The following DEPDC5 variants were observed in gnomAD, a reference collection of about 807,000 sequenced individuals.
DEPDC5 encodes the protein DEP domain containing 5, GATOR1 subcomplex subunit.
A neutral mutation model predicts 217.3 loss-of-function variants in DEPDC5; 73 were observed. The ratio of observed to expected loss-of-function variants is 0.34; its 90% confidence interval spans 0.28 to 0.41. DEPDC5 has a LOEUF of 0.41. DEPDC5 is among the 10% of genes least tolerant of loss of function. DEPDC5 has a pLI of 1.00. For synonymous variants in DEPDC5, 733 were observed against 756.7 expected (o/e 0.97, Z 0.51); for missense variants, 1,675 against 2,070.1 (o/e 0.81, Z 3.70).
At chr22:31,891,802 C>G (rs3788436) in intron 38 of DEPDC5, among the ~76,000 whole-genome samples, 22,420 of 152,216 alleles carry the variant, frequency 0.15, 1,882 homozygotes, top group African/African-American at 0.22. Flanking sequence ...AACAGAAACC[C>G]TAGGTCTGGC....
intron 34 of DEPDC5, among the ~76,000 whole-genome samples, chr22:31,872,473 G>A (rs1335362309): frequency 1.3e-5 from 2 of 152,148 alleles, no homozygotes; most frequent in African/African-American, 4.8e-5. Flanking sequence ...TTCACATGGG[G>A]GCGCTGAGGC....
intron 10 of DEPDC5, among the ~76,000 whole-genome samples, chr22:31,787,841 AAAG>A (rs963592602): frequency 2.6e-5 from 4 of 151,752 alleles, no homozygotes; most frequent in Admixed American, 6.6e-5. Context: ...GAAGAAGAAA[AAAG>A]AAGACAACCC....
At chr22:31,881,658 C>T (rs1462083053) in intron 38 of DEPDC5, among the ~76,000 whole-genome samples, 1 of 151,812 alleles carries the variant, frequency 6.6e-6, no homozygotes. Flanking sequence ...TTAGAAATAG[C>T]AAATAAGGCC....
At chr22:31,817,835 A>T (rs139324636) in intron 21 of DEPDC5, among the ~76,000 whole-genome samples, 1 of 152,010 alleles carries the variant, frequency 6.6e-6, no homozygotes. Flanking sequence ...TATTTCCTTA[A>T]TAACTAACTA....
chr22:31,791,186 G>A (rs1410260793), intron 10 of DEPDC5, among the ~76,000 whole-genome samples: 1 of 151,966 alleles, frequency 6.6e-6, no homozygotes, highest in Non-Finnish European at 1.5e-5. Context: ...CCACATTCCT[G>A]GCACTTTAGA....
Position 31,823,021 on chromosome 22 carries a change from T to C in DEPDC5, c.2104+231T>C, listed in dbSNP as rs151119674. The C allele has an allele frequency of 3.5e-3, 1,643 of 472,618 alleles. 8 individuals carry two copies. The highest frequency in any genetic ancestry group is 4.9e-3 in the Non-Finnish European group (1,243 of 255,638). 29.3% of individuals were successfully genotyped at this position (472,618 alleles called of 1,614,324 possible). On this transcript the variant is annotated intron_variant, in intron 24 of 42. Coordinates refer to ENST00000651528, the MANE Select transcript of DEPDC5 (RefSeq NM_001242896.3). ...TCAAGCCACATTTATCATCATTCTG[T>C]CACAGAGTTGTGATTGAGGGCAGCT...
chr22:31,883,539 ATG>A (rs2149318678), intron 38 of DEPDC5, among the ~76,000 whole-genome samples: 1 of 152,264 alleles, frequency 6.6e-6, no homozygotes, highest in Non-Finnish European at 1.5e-5. Flanking sequence ...TAGAAAATTG[ATG>A]TGTCAGGTCC....
intron 25 of DEPDC5, 77 bp from the exon 26 acceptor site, chr22:31,836,895 C>A: frequency 1.5e-6 from 2 of 1,293,716 alleles, no homozygotes; most frequent in Non-Finnish European, 2.2e-6. Flanking sequence ...TCTTCCCTCC[C>A]CTTCCCTCCC....
intron 17 of DEPDC5, 56 bp downstream of exon 17, chr22:31,804,971 C>T (rs2087339817): frequency 6.6e-7 from 1 of 1,510,620 alleles, no homozygotes; most frequent in South Asian, 1.2e-5. Flanking sequence ...GCTTCCTTGC[C>T]ATTTTTCTTT....
In DEPDC5 at chr22:31,846,917, G is replaced by A; in HGVS notation, c.3105G>A (p.Lys1035=). The change falls in exon 31 of 43, where the codon AAG becomes AAA. Residue 1035 remains lysine, a synonymous_variant. Coordinates refer to ENST00000651528, the MANE Select transcript of DEPDC5 (RefSeq NM_001242896.3). ...SLESTAPPVG[K]KGTSALSALL... ...AGTCAACTGCACCCCCAGTGGGGAA[G>A]AAGGGAACCTCAGCTCTCTCTGCCC... 6.2e-7 allele frequency: 1 copy of A among 1,614,248 alleles called. No individual in the cohort carries two copies. The highest frequency in any genetic ancestry group is 1.6e-4 in the Middle Eastern group (1 of 6,062).
At chr22:31,769,110 A>C in intron 7 of DEPDC5, 1 of 255,562 alleles carries the variant, frequency 3.9e-6, no homozygotes, top group Non-Finnish European at 7.5e-6. Flanking sequence ...AATACAAAAA[A>C]TTAGCTGGGC....
chr22:31,886,414 T>A (rs774423698), intron 38 of DEPDC5, among the ~76,000 whole-genome samples: 18 of 152,132 alleles, frequency 1.2e-4, no homozygotes, highest in Middle Eastern at 3.2e-3. Flanking sequence ...CAGCTCAAGA[T>A]GAAATTCAGA....
chr22:31,890,529 G>C (rs2093418236), intron 38 of DEPDC5: 2 of 151,696 alleles, frequency 1.3e-5, no homozygotes, highest in Non-Finnish European at 2.9e-5. Flanking sequence ...GGCCAACATA[G>C]GGAAACCCCA....
chr22:31,855,848 A>C lies in DEPDC5; in HGVS notation c.3156-1597A>C, dbSNP rs1040785595. Reference sequence around the variant, plus strand: ...AAAAAAAAAATTTAAGGGAGAGTGCAACAGGTTACTATGGAAACATATTTT... The same window carrying C: ...AAAAAAAAAATTTAAGGGAGAGTGCCACAGGTTACTATGGAAACATATTTT... On this transcript the variant is annotated intron_variant, in intron 31 of 42. Coordinates refer to ENST00000651528, the MANE Select transcript of DEPDC5 (RefSeq NM_001242896.3). Among the ~76,000 whole-genome samples, 6 of 152,222 alleles carry C rather than the reference A, an allele frequency of 3.9e-5. No homozygotes were observed. The East Asian group carries it at 9.6e-4, about 24-fold the overall frequency.
At chr22:31,774,553 A>G (rs1446331548) in intron 7 of DEPDC5, among the ~76,000 whole-genome samples, 1 of 151,450 alleles carries the variant, frequency 6.6e-6, no homozygotes, top group African/African-American at 2.4e-5. Flanking sequence ...GATTATAAGC[A>G]GAGCTGGCTG....
rs1243024791 is a variant in DEPDC5, at chr22:31,856,232, G to C, written c.3156-1213G>C. Reference sequence around the variant, plus strand: ...CACACACACACACTTCATTGCCTATGACACACACACACACACACACACTTC... The same window carrying C: ...CACACACACACACTTCATTGCCTATCACACACACACACACACACACACTTC... On this transcript the variant is annotated intron_variant, in intron 31 of 42. Coordinates refer to ENST00000651528, the MANE Select transcript of DEPDC5 (RefSeq NM_001242896.3). Among the ~76,000 whole-genome samples, 6 of 143,740 alleles carry C rather than the reference G, an allele frequency of 4.2e-5. No homozygotes were observed. The East Asian group carries it at 1.0e-3, about 24-fold the overall frequency. The allele number at this position is 143,740 out of a possible 152,430, so 94.3% of individuals were successfully genotyped here.
chr22:31,831,713 G>A (rs773668533), intron 24 of DEPDC5, among the ~76,000 whole-genome samples: 4 of 152,076 alleles, frequency 2.6e-5, no homozygotes, highest in Non-Finnish European at 5.9e-5. Flanking sequence ...CCCCCGCCTC[G>A]GCCTCCCAAA....
At chr22:31,870,558 G>A (rs2092812110) in intron 33 of DEPDC5, 32 bp from the exon 34 acceptor site, 1 of 1,466,406 alleles carries the variant, frequency 6.8e-7, no homozygotes, top group Non-Finnish European at 9.1e-7. Context: ...GTTATTTTTG[G>A]AATCAAGTAT....
chr22:31,845,488 G>A (rs925366890), intron 30 of DEPDC5, among the ~76,000 whole-genome samples: 1 of 152,186 alleles, frequency 6.6e-6, no homozygotes, highest in African/African-American at 2.4e-5. Context: ...GTGCCTTGAG[G>A]TGCTCCCCAA....
Sources: allele counts gnomAD v4.1 joint callset (sites outside exome capture counted in the v4.1 genomes callset), GRCh38; gene constraint gnomAD v4.1.1; transcripts MANE v1.5; gene names NCBI Gene and HGNC (gene_info 2026-07-23, HGNC 2026-07-21).